The following PLOD2 variants were observed in gnomAD, a reference collection of about 807,000 sequenced individuals.
PLOD2 encodes the protein lysine hydroxylase 2.
Under a neutral mutation model 101.0 loss-of-function variants are expected in PLOD2, and 65 were observed. The observed-to-expected ratio is 0.64, with a 90% CI of 0.53 to 0.79. The LOEUF (loss-of-function observed/expected upper bound fraction) is 0.79. Among genes scored for constraint, PLOD2 ranks in the 30% least tolerant of loss-of-function variants. The pLI, the probability that PLOD2 is intolerant of heterozygous loss-of-function variation, is 0.00. For synonymous variants in PLOD2, 314 were observed against 302.9 expected, an observed-to-expected ratio of 1.04 and a Z score of -0.38; for missense variants, 909 against 914.6, an observed-to-expected ratio of 0.99 and a Z score of 0.08.
chr3:146,085,196 G>A lies in PLOD2; in HGVS notation c.1205C>T (p.Thr402Ile). ...GTTTTGTTCAATCAAAATTTTTAAA[G>A]TCCTTGGATTTGTCAAAACAACATC... Reference protein sequence around the residue: ...DADVVLTNPRTLKILIEQNRK... With the variant: ...DADVVLTNPRILKILIEQNRK... The change falls in exon 11 of 20, where the codon ACT (threonine) becomes ATT (isoleucine). Residue 402 changes from threonine (T) to isoleucine (I), a missense_variant. Thr to Ile is a moderately conservative substitution (Grantham distance 89). Coordinates refer to ENST00000282903, the MANE Select transcript of PLOD2 (RefSeq NM_182943.3). The A allele has an allele frequency of 1.3e-6, 2 of 1,584,418 alleles. No individual in the cohort carries two copies. Among genetic ancestry groups the A allele is most frequent in the Non-Finnish European group, 1.7e-6 (2 of 1,153,942 alleles).
chr3:146,113,987 C>T (rs894130742), intron 3 of PLOD2, among the ~76,000 whole-genome samples: 6 of 152,088 alleles, frequency 3.9e-5, no homozygotes. Context: ...AAAATGGCCG[C>T]TCTAGGAATG....
At chr3:146,144,852 C>CAG (rs149241867) in intron 1 of PLOD2, among the ~76,000 whole-genome samples, 104,060 of 151,602 alleles carry the variant, frequency 0.69, 36,085 homozygotes, top group East Asian at 0.8. Context: ...GATATACAAA[C>CAG]AAAAAAATGA....
rs897287827 is a variant in PLOD2, at chr3:146,071,201, A to G, written c.1996-34T>C. 18 of 1,610,646 alleles carry G rather than the reference A, an allele frequency of 1.1e-5. No homozygotes were observed. The East Asian group carries it at 4.0e-4, about 36-fold the overall frequency. ...GCAAAGTAAGCCAGTGGATTTGCTT[A>G]TTAATAAAAACATTAAAAAGAACAC... On this transcript the variant is annotated intron_variant, in intron 18 of 19. Transcript: ENST00000282903.
chr3:146,100,175 C>T (rs946324778), intron 7 of PLOD2, among the ~76,000 whole-genome samples: 4 of 152,122 alleles, frequency 2.6e-5, no homozygotes, highest in Non-Finnish European at 4.4e-5. Flanking sequence ...GCCACCATGC[C>T]CAGCCAACCA....
intron 3 of PLOD2, among the ~76,000 whole-genome samples, chr3:146,115,813 T>A (rs73148960): frequency 1.5e-4 from 23 of 152,144 alleles, no homozygotes; most frequent in Non-Finnish European, 3.1e-4. Context: ...CTGATGACCA[T>A]ATTGTCTGTC....
At chr3:146,132,273 G>T (rs1214940489) in intron 1 of PLOD2, among the ~76,000 whole-genome samples, 1 of 152,182 alleles carries the variant, frequency 6.6e-6, no homozygotes, top group Non-Finnish European at 1.5e-5. Context: ...AAACTGGAAT[G>T]AGTTGGTCAC....
intron 1 of PLOD2, among the ~76,000 whole-genome samples, chr3:146,126,445 T>C (rs1380495507): frequency 1.3e-5 from 2 of 152,166 alleles, no homozygotes; most frequent in East Asian, 3.8e-4. Context: ...GTATTACTGT[T>C]AGAAAACGTA....
intron 3 of PLOD2, among the ~76,000 whole-genome samples, chr3:146,113,949 G>GA (rs1296663778): frequency 1.3e-5 from 2 of 152,134 alleles, no homozygotes; most frequent in African/African-American, 2.4e-5. Flanking sequence ...CCCTGAGAAA[G>GA]AAAATGCTTT....
intron 13 of PLOD2, among the ~76,000 whole-genome samples, chr3:146,078,844 A>T (rs567509251): frequency 9.9e-5 from 15 of 152,066 alleles, no homozygotes; most frequent in Middle Eastern, 3.4e-3. Context: ...AGCAAAGCTG[A>T]TTTGTAACAA....
intron 1 of PLOD2, among the ~76,000 whole-genome samples, chr3:146,127,949 T>C (rs1036857193): frequency 6.6e-6 from 1 of 152,104 alleles, no homozygotes; most frequent in Non-Finnish European, 1.5e-5. Context: ...TGGAAAATAG[T>C]ATGGAAAGTT....
At chr3:146,136,015 C>T (rs374976244) in intron 1 of PLOD2, among the ~76,000 whole-genome samples, 1 of 151,978 alleles carries the variant, frequency 6.6e-6, no homozygotes, top group Non-Finnish European at 1.5e-5. Flanking sequence ...ACATTTTCTC[C>T]CCACTTACCA....
At chr3:146,114,015 C>A (rs77661081) in intron 3 of PLOD2, among the ~76,000 whole-genome samples, 4 of 152,120 alleles carry the variant, frequency 2.6e-5, no homozygotes, top group African/African-American at 9.7e-5. Context: ...TACACGGTTG[C>A]AGATAAGGGA....
intron 1 of PLOD2, among the ~76,000 whole-genome samples, chr3:146,133,002 G>A (rs188119540): frequency 9.9e-5 from 15 of 151,968 alleles, no homozygotes; most frequent in South Asian, 4.2e-4. Context: ...GGTGAAACCC[G>A]GTCTCTACTA....
chr3:146,072,142 C>CT (rs959271033), intron 17 of PLOD2, among the ~76,000 whole-genome samples: 4 of 151,760 alleles, frequency 2.6e-5, no homozygotes, highest in African/African-American at 9.7e-5. Flanking sequence ...CAGATCCCTC[C>CT]TTCCTATCTT....
In PLOD2 at chr3:146,088,755, G is replaced by A. The variant is rs752585119; in HGVS notation, c.880-44C>T. 4 of 1,481,624 alleles carry A rather than the reference G, an allele frequency of 2.7e-6. No individual in the cohort carries two copies. The Admixed American group carries it at 6.8e-5, about 25-fold the overall frequency. 91.8% of individuals were successfully genotyped at this position (1,481,624 alleles called of 1,614,324 possible). A position where few individuals can be genotyped will look rare whatever the true frequency, so the allele number is the denominator to read the frequency against. ...ATAAAAATAAAATTATCATTAGTAT[G>A]GTTTTGTTTTAAATTTTATTCAAAT... On this transcript the variant is annotated intron_variant, in intron 8 of 19. Transcript: ENST00000282903.
chr3:146,073,106 T>C (rs545237402), intron 16 of PLOD2, among the ~76,000 whole-genome samples, 181 bp downstream of exon 16: 4 of 151,776 alleles, frequency 2.6e-5, no homozygotes, highest in South Asian at 4.1e-4. Flanking sequence ...TGTTAATTTC[T>C]ATGTTCTACA....
chr3:146,123,265 C>A, intron 2 of PLOD2: 1 of 1,120,626 alleles, frequency 8.9e-7, no homozygotes, highest in Non-Finnish European at 1.1e-6. Context: ...GTGTTCCTAC[C>A]TAGGTATCTC....
intron 12 of PLOD2, among the ~76,000 whole-genome samples, chr3:146,079,804 C>T (rs1936469192): frequency 6.6e-6 from 1 of 152,002 alleles, no homozygotes; most frequent in Non-Finnish European, 1.5e-5. Flanking sequence ...AGTTGTTACA[C>T]ATTTACCAAA....
At position 146,110,495 on chromosome 3, in the gene PLOD2, C is replaced by A. The variant is rs772439999; in HGVS notation, c.339-47G>T. 3.4e-6 allele frequency: 5 copies of A among 1,480,544 alleles called. No individual in the cohort carries two copies. In the African/African-American group the frequency reaches 6.9e-5, roughly 20 times the overall value. 91.7% of individuals were successfully genotyped at this position (1,480,544 alleles called of 1,614,324 possible). A position where few individuals can be genotyped will look rare whatever the true frequency, so the allele number is the denominator to read the frequency against. On this transcript the variant is annotated intron_variant, in intron 3 of 19. Coordinates refer to ENST00000282903, the MANE Select transcript of PLOD2 (RefSeq NM_182943.3). Reference sequence around the variant, plus strand: ...TGTTTTAAAATACACTTGTCAGAATCTAGGCACATAAACCATGAAAAGTTC... The same window carrying A: ...TGTTTTAAAATACACTTGTCAGAATATAGGCACATAAACCATGAAAAGTTC...
Sources: gnomAD v4.1 joint callset for allele counts (sites outside exome capture counted in the v4.1 genomes callset) on GRCh38, gnomAD v4.1.1 for gene constraint, MANE v1.5 for transcripts, NCBI Gene and HGNC (gene_info 2026-07-23, HGNC 2026-07-21) for gene names.